Variants in CBFA2T3 observed in about 807,000 individuals in gnomAD.
The protein encoded by CBFA2T3 is transcriptional corepressor CBFA2T3.
CBFA2T3 carries 31 observed loss-of-function variants against 58.6 expected under a neutral mutation model. That is an observed-to-expected ratio of 0.53 (90% CI 0.40 to 0.71). The LOEUF (loss-of-function observed/expected upper bound fraction) is 0.71. CBFA2T3 is among the 30% of genes least tolerant of loss of function. The pLI is 0.00. For missense variants in CBFA2T3, 1,076 were observed against 963.1 expected, an observed-to-expected ratio of 1.12 and a Z score of -1.55; for synonymous variants, 531 against 421.9, an observed-to-expected ratio of 1.26 and a Z score of -3.17.
intron 1 of CBFA2T3, among the ~76,000 whole-genome samples, chr16:88,969,385 G>C (rs1445398692): frequency 6.6e-6 from 1 of 152,240 alleles, no homozygotes; most frequent in Non-Finnish European, 1.5e-5. Flanking sequence ...CCTGGCCTTG[G>C]CAGGGGTGGG....
intron 1 of CBFA2T3, among the ~76,000 whole-genome samples, chr16:88,946,732 C>CG (rs1971913106): frequency 6.6e-6 from 1 of 152,062 alleles, no homozygotes; most frequent in African/African-American, 2.4e-5. Context: ...CTGCCCACCT[C>CG]GGCCTCCCAC....
Position 88,885,418 on chromosome 16 carries a change from C to T in CBFA2T3, c.894-149G>A, listed in dbSNP as rs1056427226. 4.5e-5 allele frequency: 25 copies of T among 549,548 alleles called. No individual in the cohort carries two copies. Among genetic ancestry groups the T allele is most frequent in the Non-Finnish European group, 7.0e-5 (23 of 330,206 alleles). The allele number at this position is 549,548 out of a possible 1,614,324, so 34.0% of individuals were successfully genotyped here. On this transcript the variant is annotated intron_variant, in intron 6 of 11. Transcript: ENST00000268679. This position sits in a 1 kb window ranked among gnomAD's most constrained non-coding sequence, Gnocchi z 5.3. ...GAAACACGGAGCAAAACACCAGCCC[C>T]GGGAAGCCCAGCCCGGCGCCCCCAC...
Position 88,898,079 on chromosome 16 carries a change from G to T in CBFA2T3, c.378C>A (p.Leu126=), listed in dbSNP as rs1245170696. Residue 126 remains leucine, a splice_region_variant and synonymous_variant, in exon 3 of 12, where the codon CTC becomes CTA. Coordinates refer to ENST00000268679, the MANE Select transcript of CBFA2T3 (RefSeq NM_005187.6). ...TGCGGTTTTTGTTATTTTACTTACA[G>T]AGACAGACCATAGACCATTTTAAGC... The part of the protein sequence containing the change: ...HGCLKWSMVC[L]LMNGSSHSPT... 1 of 1,610,850 alleles carries T rather than the reference G, an allele frequency of 6.2e-7. No homozygotes were observed. The highest frequency in any genetic ancestry group is 8.5e-7 in the Non-Finnish European group (1 of 1,177,834).
chr16:88,959,436 G>A (rs191041669), intron 1 of CBFA2T3, among the ~76,000 whole-genome samples: 48 of 152,314 alleles, frequency 3.2e-4, no homozygotes, highest in African/African-American at 1.1e-3. Context: ...CAGGGCCTGT[G>A]AGGAGGCCCG....
intron 1 of CBFA2T3, among the ~76,000 whole-genome samples, chr16:88,943,116 C>A (rs1428401405): frequency 6.6e-6 from 1 of 152,206 alleles, no homozygotes; most frequent in Non-Finnish European, 1.5e-5. Flanking sequence ...TAAAACGCCC[C>A]CAGGTTTCAG....
intron 3 of CBFA2T3, among the ~76,000 whole-genome samples, chr16:88,892,827 G>A (rs1379576623): frequency 2.0e-5 from 3 of 152,234 alleles, no homozygotes. Flanking sequence ...CACAATGGTG[G>A]TGGCCGTGGA....
intron 1 of CBFA2T3, among the ~76,000 whole-genome samples, chr16:88,975,925 C>T (rs909092206): frequency 2.2e-4 from 33 of 152,360 alleles, no homozygotes; most frequent in Non-Finnish European, 3.4e-4. Context: ...CTGTGAGCTC[C>T]TGAAGGTTCC....
At chr16:88,971,972 G>A (rs910608735) in intron 1 of CBFA2T3, among the ~76,000 whole-genome samples, 1 of 152,244 alleles carries the variant, frequency 6.6e-6, no homozygotes. Context: ...AGTTGTCTTC[G>A]CCTAAAGAGT....
chr16:88,973,915 C>G (rs1368235092), intron 1 of CBFA2T3, among the ~76,000 whole-genome samples: 1 of 152,270 alleles, frequency 6.6e-6, no homozygotes. Flanking sequence ...CATCTCCCGC[C>G]TTGCCCGGTC....
At position 88,881,417 on chromosome 16, in the gene CBFA2T3, C is replaced by G. The variant is rs1969073366; in HGVS notation, c.1276G>C (p.Ala426Pro). 1 of 1,608,592 alleles carries G rather than the reference C, an allele frequency of 6.2e-7. No homozygotes were observed. Residue 426 changes from alanine to proline, a missense_variant, in exon 9 of 12, where the codon GCC (alanine) becomes CCC (proline). Coordinates refer to ENST00000268679, the MANE Select transcript of CBFA2T3 (RefSeq NM_005187.6). ...CAGTGGTTGAGCTCCTCGCGGTCGG[C>G]CTCCTGGCACCTGCGCAGCACCGTG... Reference protein sequence around the residue: ...SLTVLRRCQEADREELNHWAR... With the variant: ...SLTVLRRCQEPDREELNHWAR...
intron 1 of CBFA2T3, among the ~76,000 whole-genome samples, chr16:88,908,784 C>T (rs1207712581): frequency 1.3e-5 from 2 of 152,264 alleles, no homozygotes; most frequent in African/African-American, 2.4e-5. Context: ...GGGCATAGGA[C>T]GCTGGGCAGG....
chr16:88,887,865 C>CTGGTGTTT (rs1409689330), intron 5 of CBFA2T3, among the ~76,000 whole-genome samples: 1 of 152,184 alleles, frequency 6.6e-6, no homozygotes, highest in African/African-American at 2.4e-5. Context: ...GGCTGGGGAA[C>CTGGTGTTT]TGGTGTTTGC....
chr16:88,904,154 T>C (rs1970211957), intron 1 of CBFA2T3, among the ~76,000 whole-genome samples: 1 of 152,172 alleles, frequency 6.6e-6, no homozygotes, highest in South Asian at 2.1e-4. Flanking sequence ...ATCCCGAAGC[T>C]AGAGCAGACA....
chr16:88,912,225 C>T (rs1970554460), intron 1 of CBFA2T3, among the ~76,000 whole-genome samples: 1 of 152,248 alleles, frequency 6.6e-6, no homozygotes, highest in Non-Finnish European at 1.5e-5. Context: ...AGAAAGCCTC[C>T]CTCATGGGTT....
chr16:88,918,760 G>A (rs1970819096), intron 1 of CBFA2T3, among the ~76,000 whole-genome samples: 1 of 152,186 alleles, frequency 6.6e-6, no homozygotes, highest in South Asian at 2.1e-4. Context: ...CACCCACATG[G>A]CCCAGCCCGG....
intron 1 of CBFA2T3, chr16:88,950,534 A>T (rs1202811446): frequency 5.0e-6 from 2 of 401,832 alleles, no homozygotes; most frequent in Admixed American, 5.4e-5. Context: ...GGGTCAGTTC[A>T]CCCGTCCCCT....
intron 1 of CBFA2T3, among the ~76,000 whole-genome samples, chr16:88,916,907 T>G (rs1476468528): frequency 6.6e-6 from 1 of 151,002 alleles, no homozygotes; most frequent in Non-Finnish European, 1.5e-5. Flanking sequence ...GTCTCGAACG[T>G]TGTATCAGTT....
chr16:88,914,986 G>T (rs1474170907), intron 1 of CBFA2T3, among the ~76,000 whole-genome samples: 2 of 150,764 alleles, frequency 1.3e-5, no homozygotes, highest in African/African-American at 4.9e-5. Context: ...GGGTGGGGGT[G>T]GGGGTGTGGC....
In CBFA2T3 at chr16:88,961,582, C is replaced by T. The variant is rs952761686; in HGVS notation, c.151+15075G>A. ...ACTCCATAGTAACCGACACTCAGCA[C>T]TGGGCATTCCCACTCCATAGTAACC... is the stretch of plus-strand genomic sequence containing the variant. On this transcript the variant is annotated intron_variant, in intron 1 of 11. Coordinates refer to ENST00000268679, the MANE Select transcript of CBFA2T3 (RefSeq NM_005187.6). Among the ~76,000 whole-genome samples, 4 of 131,856 alleles carry T rather than the reference C, an allele frequency of 3.0e-5. No individual in the cohort carries two copies. In the East Asian group the frequency reaches 8.4e-4, roughly 28 times the overall value. The allele number at this position is 131,856 out of a possible 152,430, so 86.5% of individuals were successfully genotyped here.
Sources: allele counts gnomAD v4.1 joint callset (sites outside exome capture counted in the v4.1 genomes callset), GRCh38; gene constraint gnomAD v4.1.1; non-coding constraint Gnocchi (gnomAD v3.1); transcripts MANE v1.5; gene names NCBI Gene and HGNC (gene_info 2026-07-23, HGNC 2026-07-21).